Variants in CCDC170 observed in about 807,000 individuals in gnomAD.
The protein encoded by CCDC170 is coiled-coil domain containing 170, also known as coiled-coil domain-containing protein 170.
CCDC170 carries 69 observed loss-of-function variants against 72.6 expected under a neutral mutation model. The observed-to-expected ratio is 0.95, with a 90% confidence interval of 0.78 to 1.16. The LOEUF (loss-of-function observed/expected upper bound fraction) is 1.16, where lower values mean the gene tolerates loss of function less well. CCDC170 is among the 50% of genes most tolerant of loss of function. CCDC170 has a pLI of 0.00. For missense variants in CCDC170, 852 were observed against 832.5 expected (o/e 1.02, Z -0.29); for synonymous variants, 300 against 303.9 (o/e 0.99, Z 0.13).
chr6:151,600,987 T>C (rs117225616), intron 9 of CCDC170, among the ~76,000 whole-genome samples: 8,712 of 152,266 alleles, frequency 0.057, 299 homozygotes, highest in South Asian at 0.096. Context: ...AATGGAACCA[T>C]ATAATACGTG....
At chr6:151,569,469 T>A (rs934215929) in intron 5 of CCDC170, among the ~76,000 whole-genome samples, 4 of 152,222 alleles carry the variant, frequency 2.6e-5, no homozygotes, top group East Asian at 3.8e-4. Flanking sequence ...TATAAAAAAA[T>A]TTTTTAAGTG....
At chr6:151,580,545 G>C (rs1346286736) in intron 6 of CCDC170, among the ~76,000 whole-genome samples, 2 of 152,052 alleles carry the variant, frequency 1.3e-5, no homozygotes, top group Non-Finnish European at 2.9e-5. Flanking sequence ...TGGTAAGCAG[G>C]AAAGGTAGGA....
chr6:151,599,257 A>T (rs1202031082), intron 9 of CCDC170, among the ~76,000 whole-genome samples: 1 of 152,222 alleles, frequency 6.6e-6, no homozygotes, highest in Non-Finnish European at 1.5e-5. Context: ...TCATGTAGAC[A>T]AGGATATGGC....
At position 151,494,018 on chromosome 6, in the gene CCDC170, C is replaced by T. The variant is rs1189958300; in HGVS notation, c.-111C>T. The T allele has an allele frequency of 2.8e-6, 3 of 1,059,478 alleles. No individual in the cohort carries two copies. Among genetic ancestry groups the T allele is most frequent in the Non-Finnish European group, 3.7e-6 (3 of 804,452 alleles). 65.6% of individuals were successfully genotyped at this position (1,059,478 alleles called of 1,614,324 possible). A position where few individuals can be genotyped will look rare whatever the true frequency, so the allele number is the denominator to read the frequency against. ...GCAGCCGCGCGCCGCCGCGTCCCCG[C>T]GGTGTTTACCCGTTGCCCGAGGAGA... is the stretch of plus-strand genomic sequence containing the variant. On this transcript the variant is annotated 5_prime_UTR_variant, in exon 1 of 11. Transcript: ENST00000239374.
In CCDC170 at chr6:151,530,160, T is replaced by G. The variant is rs191071084; in HGVS notation, c.58-6158T>G. 3.9e-5 allele frequency among the ~76,000 whole-genome samples: 6 copies of G among 152,268 alleles called. No homozygotes were observed. In the East Asian group the frequency reaches 1.2e-3, roughly 29 times the overall value. On this transcript the variant is annotated intron_variant, in intron 1 of 10. Transcript: ENST00000239374. ...CTTTTATTTTTGAACTCTAGTTGTTTTAAATATTTGCTATGGCAGATTTTT... is the reference window on the plus strand; with the variant it reads ...CTTTTATTTTTGAACTCTAGTTGTTGTAAATATTTGCTATGGCAGATTTTT...
intron 6 of CCDC170, 32 bp from the exon 7 acceptor site, chr6:151,585,857 G>A (rs1776443165): frequency 6.2e-7 from 1 of 1,602,466 alleles, no homozygotes; most frequent in Non-Finnish European, 8.5e-7. Context: ...TCTGAAACAA[G>A]GCTTATTCTT....
intron 6 of CCDC170, among the ~76,000 whole-genome samples, chr6:151,580,890 C>T (rs952625659): frequency 6.6e-6 from 1 of 152,048 alleles, no homozygotes; most frequent in Non-Finnish European, 1.5e-5. Context: ...TTTTTGGTTT[C>T]TCAGTGCATA....
At chr6:151,578,315 A>G (rs571711490) in intron 6 of CCDC170, among the ~76,000 whole-genome samples, 5 of 152,182 alleles carry the variant, frequency 3.3e-5, no homozygotes, top group African/African-American at 4.8e-5. Flanking sequence ...GTCTGGCATC[A>G]AGGTGTCAGT....
chr6:151,573,702 G>T (rs1004904312), intron 6 of CCDC170, among the ~76,000 whole-genome samples: 3 of 152,196 alleles, frequency 2.0e-5, no homozygotes, highest in African/African-American at 4.8e-5. Flanking sequence ...AGGAGCAAAG[G>T]CACATCTTAC....
At chr6:151,604,521 G>A (rs1776756104) in intron 9 of CCDC170, among the ~76,000 whole-genome samples, 1 of 152,198 alleles carries the variant, frequency 6.6e-6, no homozygotes, top group Admixed American at 6.5e-5. Flanking sequence ...AACACTGTAG[G>A]ATGACTATAG....
intron 5 of CCDC170, among the ~76,000 whole-genome samples, chr6:151,559,705 T>A (rs1783045077): frequency 6.6e-6 from 1 of 152,192 alleles, no homozygotes; most frequent in East Asian, 1.9e-4. Flanking sequence ...CTTTCTCTTG[T>A]CTGATTTCTC....
chr6:151,584,380 AG>A (rs1275931946), intron 6 of CCDC170, among the ~76,000 whole-genome samples: 3 of 152,090 alleles, frequency 2.0e-5, no homozygotes, highest in African/African-American at 7.2e-5. Flanking sequence ...TTTCTTAGAA[AG>A]GAATGCTTAA....
Position 151,573,401 on chromosome 6 carries a change from T to TAAGG in CCDC170, c.1003_1004insAGGA (p.Arg335LysfsTer12). 6.2e-7 allele frequency: 1 copy of TAAGG among 1,614,046 alleles called. No homozygotes were observed. The highest frequency in any genetic ancestry group is 8.5e-7 in the Non-Finnish European group (1 of 1,179,986). Reference sequence around the variant, plus strand: ...TTAGGGAGAAAATCGCAGCCCTCCTTAGGGGCAGATTGAGCATGACTGGGT... The same window carrying TAAGG: ...TTAGGGAGAAAATCGCAGCCCTCCTTAAGGAGGGGCAGATTGAGCATGACTGGGT... On this transcript the variant is annotated frameshift_variant, in exon 6 of 11. Transcript: ENST00000239374. LOFTEE classifies it high-confidence loss of function.
intron 1 of CCDC170, among the ~76,000 whole-genome samples, chr6:151,498,428 TCTTAA>T (rs1781941691): frequency 6.6e-6 from 1 of 152,370 alleles, no homozygotes; most frequent in Non-Finnish European, 1.5e-5. Flanking sequence ...AAATTTGCCA[TCTTAA>T]CTTACAAATG....
At chr6:151,575,260 T>C (rs1187235752) in intron 6 of CCDC170, among the ~76,000 whole-genome samples, 1 of 151,966 alleles carries the variant, frequency 6.6e-6, no homozygotes, top group Non-Finnish European at 1.5e-5. Context: ...TACCATCTTT[T>C]AATGTTACTA....
At chr6:151,513,304 A>G (rs1368043548) in intron 1 of CCDC170, among the ~76,000 whole-genome samples, 1 of 152,144 alleles carries the variant, frequency 6.6e-6, no homozygotes, top group African/African-American at 2.4e-5. Flanking sequence ...TTTGTATTAG[A>G]AAAACACTAT....
Position 151,532,061 on chromosome 6 carries a change from A to G in CCDC170, c.58-4257A>G, listed in dbSNP as rs1197772182. 2.0e-5 allele frequency among the ~76,000 whole-genome samples: 3 copies of G among 152,224 alleles called. No individual in the cohort carries two copies. In the East Asian group the frequency reaches 5.8e-4, roughly 29 times the overall value. On this transcript the variant is annotated intron_variant, in intron 1 of 10. Coordinates refer to ENST00000239374, the MANE Select transcript of CCDC170 (RefSeq NM_025059.4). ...TTATTAACCAATGCAATTAGTCAAG[A>G]AAAGGAATAGAGGTATAAAAATTGG...
intron 5 of CCDC170, among the ~76,000 whole-genome samples, chr6:151,571,365 T>C (rs181976020): frequency 0.01 from 1,550 of 152,074 alleles, 21 homozygotes; most frequent in Non-Finnish European, 0.013. Context: ...ACTACAGCCA[T>C]GCTAGTTAAC....
intron 1 of CCDC170, among the ~76,000 whole-genome samples, chr6:151,532,556 G>A (rs58650362): frequency 0.023 from 3,464 of 150,940 alleles, 122 homozygotes; most frequent in African/African-American, 0.074. Flanking sequence ...GCAGTGAGCC[G>A]AAATTACGTC....
Sources: gnomAD v4.1 joint callset for allele counts (sites outside exome capture counted in the v4.1 genomes callset) on GRCh38, gnomAD v4.1.1 for gene constraint, MANE v1.5 for transcripts, NCBI Gene and HGNC (gene_info 2026-07-23, HGNC 2026-07-21) for gene names.